ARL15: variants seen among roughly 807,000 people sequenced by gnomAD.
ARL15 encodes ARF like GTPase 15.
ARL15 carries 19 observed loss-of-function variants against 25.2 expected under a neutral mutation model. The observed-to-expected ratio is 0.75, with a 90% CI of 0.53 to 1.10. The LOEUF (loss-of-function observed/expected upper bound fraction) is 1.10. Among genes scored for constraint, ARL15 ranks in the 50% least tolerant of loss-of-function variants. ARL15 has a pLI of 0.00. For synonymous variants in ARL15, 94 were observed against 86.8 expected (o/e 1.08, Z -0.46); for missense variants, 220 against 246.0 (o/e 0.89, Z 0.71).
At chr5:54,058,001 T>C (rs1416026398) in intron 4 of ARL15, among the ~76,000 whole-genome samples, 2 of 143,228 alleles carry the variant, frequency 1.4e-5, no homozygotes, top group East Asian at 3.9e-4. Flanking sequence ...TATTTATTTA[T>C]TTATTTATTT....
At chr5:53,913,211 G>A (rs1745522414) in intron 4 of ARL15, among the ~76,000 whole-genome samples, 1 of 152,200 alleles carries the variant, frequency 6.6e-6, no homozygotes, top group Non-Finnish European at 1.5e-5. Context: ...GCTGAGGTGG[G>A]AGGATTGCTT....
At chr5:54,078,508 G>A (rs976206837) in intron 4 of ARL15, among the ~76,000 whole-genome samples, 4 of 152,146 alleles carry the variant, frequency 2.6e-5, no homozygotes, top group Admixed American at 2.6e-4. Context: ...AGACACATAT[G>A]AGAAGGCATA....
intron 4 of ARL15, among the ~76,000 whole-genome samples, chr5:54,054,591 C>T (rs1488634583): frequency 6.6e-6 from 1 of 152,114 alleles, no homozygotes; most frequent in African/African-American, 2.4e-5. Flanking sequence ...GAGATCAAGA[C>T]CATCCTGGCT....
chr5:54,161,998 T>TACACACACACACAC (rs3839223), intron 2 of ARL15, among the ~76,000 whole-genome samples: 15 of 144,564 alleles, frequency 1.0e-4, no homozygotes, highest in African/African-American at 3.0e-4. Flanking sequence ...CACACACACA[T>TACACACACACACAC]ACACACACAC....
At chr5:53,979,829 T>TTGTGTGTGTGTGTG in intron 4 of ARL15, among the ~76,000 whole-genome samples, 1 of 143,174 alleles carries the variant, frequency 7.0e-6, no homozygotes, top group Middle Eastern at 3.5e-3. Context: ...TTAAAGTCTT[T>TTGTGTGTGTGTGTG]TGTGTGTGTG....
intron 3 of ARL15, among the ~76,000 whole-genome samples, chr5:54,119,636 C>T (rs1405233413): frequency 6.6e-6 from 1 of 152,164 alleles, no homozygotes; most frequent in Non-Finnish European, 1.5e-5. Flanking sequence ...TCTGGCTCCA[C>T]TTTGCCATTC....
chr5:54,201,212 G>A (rs1452641077), intron 1 of ARL15, among the ~76,000 whole-genome samples: 1 of 151,900 alleles, frequency 6.6e-6, no homozygotes, highest in Non-Finnish European at 1.5e-5. Flanking sequence ...TTTCCCAGGT[G>A]CACCTCTTTC....
chr5:54,011,945 G>A (rs1245918398), intron 4 of ARL15, among the ~76,000 whole-genome samples: 2 of 151,966 alleles, frequency 1.3e-5, no homozygotes, highest in African/African-American at 2.4e-5. Flanking sequence ...GGAGGCCAAG[G>A]TTGCAGTGAG....
intron 4 of ARL15, among the ~76,000 whole-genome samples, chr5:53,995,463 GAA>G (rs1377161859): frequency 4.6e-5 from 7 of 151,994 alleles, no homozygotes; most frequent in African/African-American, 1.5e-4. Flanking sequence ...GTATAAAACA[GAA>G]ATATGTTTTA....
At chr5:54,058,104 C>T (rs144084714) in intron 4 of ARL15, among the ~76,000 whole-genome samples, 4,136 of 151,856 alleles carry the variant, frequency 0.027, 76 homozygotes, top group Middle Eastern at 0.044. Context: ...CTCCGAGGTT[C>T]AAGTGATTCC....
chr5:54,283,353 T>C (rs541841555), intron 1 of ARL15, among the ~76,000 whole-genome samples: 2 of 152,306 alleles, frequency 1.3e-5, no homozygotes, highest in East Asian at 3.9e-4. Context: ...GCGTGGACAT[T>C]AAAAATAAAA....
intron 4 of ARL15, among the ~76,000 whole-genome samples, chr5:53,923,408 C>T (rs563039229): frequency 4.6e-5 from 7 of 152,180 alleles, no homozygotes; most frequent in African/African-American, 1.4e-4. Context: ...GCCTCCTTGT[C>T]GGTGAAGGGC....
At chr5:54,299,177 C>T (rs967680150) in intron 1 of ARL15, among the ~76,000 whole-genome samples, 11 of 152,194 alleles carry the variant, frequency 7.2e-5, no homozygotes, top group South Asian at 2.1e-4. Context: ...GCTGAGATTA[C>T]AGGCACAAGC....
chr5:53,925,997 CTTTT>C (rs70986651), intron 4 of ARL15, among the ~76,000 whole-genome samples: 26,755 of 122,790 alleles, frequency 0.22, 4,243 homozygotes, highest in African/African-American at 0.48. Flanking sequence ...TTTTTTCTTT[CTTTT>C]TTTTTTTTTT....
chr5:54,083,437 G>A (rs1751866552), intron 4 of ARL15, among the ~76,000 whole-genome samples: 1 of 152,144 alleles, frequency 6.6e-6, no homozygotes, highest in Admixed American at 6.6e-5. Flanking sequence ...TTAACTTATT[G>A]CAGGGATGGT....
At chr5:53,923,329 C>T (rs2112024403) in intron 4 of ARL15, among the ~76,000 whole-genome samples, 1 of 152,300 alleles carries the variant, frequency 6.6e-6, no homozygotes. Flanking sequence ...GATCATAAAA[C>T]TTTACATCTG....
At chr5:54,227,607 G>A (rs186643781) in intron 1 of ARL15, among the ~76,000 whole-genome samples, 11 of 152,294 alleles carry the variant, frequency 7.2e-5, no homozygotes, top group South Asian at 2.1e-4. Context: ...AGGAGACAGC[G>A]CAGTTCAGAA....
chr5:54,129,920 A>T (rs1753380854), intron 3 of ARL15, among the ~76,000 whole-genome samples: 2 of 152,248 alleles, frequency 1.3e-5, no homozygotes, highest in South Asian at 4.1e-4. Flanking sequence ...TGTAAAGTTT[A>T]TAGCCCATTT....
chr5:53,903,977 G>A (rs1039705619), intron 4 of ARL15, among the ~76,000 whole-genome samples: 2 of 152,072 alleles, frequency 1.3e-5, no homozygotes, highest in Non-Finnish European at 2.9e-5. Context: ...AGGAATAAGT[G>A]ACATGAAGGA....
Sources: gnomAD v4.1 joint callset for allele counts (sites outside exome capture counted in the v4.1 genomes callset) on GRCh38, gnomAD v4.1.1 for gene constraint, MANE v1.5 for transcripts, NCBI Gene and HGNC (gene_info 2026-07-23, HGNC 2026-07-21) for gene names.